The following KLHL12 variants were observed in gnomAD, a reference collection of about 807,000 sequenced individuals.
KLHL12 encodes kelch-like protein 12.
KLHL12 carries 17 observed loss-of-function variants against 60.8 expected under a neutral mutation model. That is an observed-to-expected ratio of 0.28 (90% CI 0.19 to 0.42). The LOEUF (loss-of-function observed/expected upper bound fraction) is 0.42. Among genes scored for constraint, KLHL12 ranks in the 10% least tolerant of loss-of-function variants. The pLI is 1.00. For synonymous variants in KLHL12, 220 were observed against 250.9 expected (o/e 0.88, Z 1.16); for missense variants, 468 against 722.3 (o/e 0.65, Z 4.04).
At chr1:202,926,040 G>A (rs986228338) in intron 1 of KLHL12, among the ~76,000 whole-genome samples, 11 of 150,362 alleles carry the variant, frequency 7.3e-5, no homozygotes, top group South Asian at 4.3e-4. Context: ...AGGAGGTGGA[G>A]GTTGCAGTGA....
intron 2 of KLHL12, among the ~76,000 whole-genome samples, chr1:202,923,254 A>G (rs1660752961): frequency 6.6e-6 from 1 of 152,262 alleles, no homozygotes; most frequent in Non-Finnish European, 1.5e-5. Context: ...CAGGATGCAC[A>G]ACATATAATT....
chr1:202,904,661 A>G (rs1451023273), intron 6 of KLHL12, among the ~76,000 whole-genome samples: 1 of 152,238 alleles, frequency 6.6e-6, no homozygotes, highest in East Asian at 1.9e-4. Flanking sequence ...GTGAAAAAGC[A>G]CATTTCTAAA....
At chr1:202,921,457 G>A (rs1427928886) in intron 2 of KLHL12, among the ~76,000 whole-genome samples, 1 of 152,072 alleles carries the variant, frequency 6.6e-6, no homozygotes, top group African/African-American at 2.4e-5. Flanking sequence ...TTACAGGCGT[G>A]AGCCACCATG....
Position 202,892,608 on chromosome 1 carries a change from G to C in KLHL12, c.1632C>G (p.Ile544Met). 6.2e-7 allele frequency: 1 copy of C among 1,614,046 alleles called. No individual in the cohort carries two copies. The change falls in exon 12 of 12, where the codon ATC (isoleucine) becomes ATG (methionine). Residue 544 changes from isoleucine to methionine, a missense_variant. Physicochemically the swap from Ile to Met is conservative, Grantham distance 10. Transcript: ENST00000367261. ...LSSIECYDPIIDSWEVVTSMG... is the reference protein window; with the variant it reads ...LSSIECYDPIMDSWEVVTSMG... ...TGGATGTCACGACTTCCCAGCTGTC[G>C]ATGATAGGGTCATAACATTCAATGC...
At chr1:202,912,433 AGGTGGTTTC>A in intron 4 of KLHL12, 1 of 827,744 alleles carries the variant, frequency 1.2e-6, no homozygotes, top group South Asian at 1.3e-5. Flanking sequence ...TTGGTCGTGG[AGGTGGTTTC>A]GGTTGGCATG....
chr1:202,893,171 G>A lies in KLHL12; in HGVS notation c.1580+68C>T. The A allele has an allele frequency of 7.8e-7, 1 of 1,278,186 alleles. No homozygotes were observed. The highest frequency in any genetic ancestry group is 1.1e-6 in the Non-Finnish European group (1 of 933,024). 79.2% of individuals were successfully genotyped at this position (1,278,186 alleles called of 1,614,324 possible). A position where few individuals can be genotyped will look rare whatever the true frequency, so the allele number is the denominator to read the frequency against. On this transcript the variant is annotated intron_variant, in intron 11 of 11. Transcript: ENST00000367261. The surrounding 1 kb of genome is among the most constrained non-coding windows in gnomAD (Gnocchi z 4.1). The stretch of plus-strand genomic sequence containing the variant: ...CCAAGTCTTGTCTCTGTCCAAAAAT[G>A]AGGATCAGATCACATAGACTCTTGC...
chr1:202,899,757 A>G (rs1306551633), intron 6 of KLHL12, among the ~76,000 whole-genome samples: 1 of 151,544 alleles, frequency 6.6e-6, no homozygotes, highest in Non-Finnish European at 1.5e-5. Flanking sequence ...ACTGAGGAAG[A>G]GGTTGCAGTG....
chr1:202,927,873 T>C (rs1653683034), upstream of KLHL12, among the ~76,000 whole-genome samples: 1 of 150,826 alleles, frequency 6.6e-6, no homozygotes, highest in Non-Finnish European at 1.5e-5. Flanking sequence ...TCCCAACTAC[T>C]CAGGAGGCTA....
upstream of KLHL12, among the ~76,000 whole-genome samples, chr1:202,928,274 CA>C (rs368999167): frequency 2.1e-4 from 26 of 123,824 alleles, no homozygotes; most frequent in Admixed American, 3.3e-4. Context: ...GACTCCGTCT[CA>C]AAAAAAAAAA....
intron 6 of KLHL12, among the ~76,000 whole-genome samples, chr1:202,907,960 C>T (rs1660245993): frequency 6.6e-6 from 1 of 152,044 alleles, no homozygotes; most frequent in Non-Finnish European, 1.5e-5. Flanking sequence ...CTAAACCCAT[C>T]AGTGAGCAGC....
rs1278452442 is a variant in KLHL12 at position 202,895,385 on chromosome 1, C to A, written c.1135+137G>T. ...CTCCAGCCTGGGCAACAGAGAGAGA[C>A]CCTGTCTCAAATAATAATAACATTT... On this transcript the variant is annotated intron_variant, in intron 8 of 11. Transcript: ENST00000367261. This position sits in a 1 kb window ranked among gnomAD's most constrained non-coding sequence, Gnocchi z 4.2. 2.4e-5 allele frequency: 18 copies of A among 750,114 alleles called. No homozygotes were observed. In the South Asian group the frequency reaches 3.2e-4, roughly 13 times the overall value. 46.5% of individuals were successfully genotyped at this position (750,114 alleles called of 1,614,324 possible). A position where few individuals can be genotyped will look rare whatever the true frequency, so the allele number is the denominator to read the frequency against.
rs1276581450 is a variant in KLHL12 at position 202,893,125 on chromosome 1, A to G, written c.1580+114T>C. On this transcript the variant is annotated intron_variant, in intron 11 of 11. Transcript: ENST00000367261. This position sits in a 1 kb window ranked among gnomAD's most constrained non-coding sequence, Gnocchi z 4.1. ...ATCTAATAAAAAAAATCAAGTTGCC[A>G]CTGGAGATGTCTACCCCTACCCAAG... The G allele has an allele frequency of 2.7e-6, 2 of 753,490 alleles. No individual in the cohort carries two copies. The highest frequency in any genetic ancestry group is 3.6e-5 in the African/African-American group (2 of 55,474). 46.7% of individuals were successfully genotyped at this position (753,490 alleles called of 1,614,324 possible). A position where few individuals can be genotyped will look rare whatever the true frequency, so the allele number is the denominator to read the frequency against.
rs1331631313 is a variant in KLHL12 at position 202,895,915 on chromosome 1, A to G, written c.940-198T>C. 6.6e-6 allele frequency among the ~76,000 whole-genome samples: 1 copy of G among 151,612 alleles called. No individual in the cohort carries two copies. The highest frequency in any genetic ancestry group is 1.9e-4 in the East Asian group (1 of 5,198). The stretch of plus-strand genomic sequence containing the variant: ...CGAAATGCCTGTTGTGGTGCTCTTA[A>G]AGATACAAGCTTTCTGCATCTCTGC... On this transcript the variant is annotated intron_variant, in intron 7 of 11. Transcript: ENST00000367261. The surrounding 1 kb of genome is among the most constrained non-coding windows in gnomAD (Gnocchi z 4.2).
At chr1:202,926,344 A>G (rs911988696) in intron 1 of KLHL12, among the ~76,000 whole-genome samples, 3 of 152,170 alleles carry the variant, frequency 2.0e-5, no homozygotes, top group Admixed American at 2.0e-4. Context: ...CCAAAAGTCC[A>G]CAAGTCACAA....
chr1:202,918,093 G>T, intron 4 of KLHL12, 78 bp downstream of exon 4: 1 of 1,021,396 alleles, frequency 9.8e-7, no homozygotes, highest in Non-Finnish European at 1.5e-6. Context: ...AGCCCTGATG[G>T]TAAGTAACTG....
At chr1:202,911,273 C>A in intron 4 of KLHL12, 70 bp from the exon 5 acceptor site, 4 of 1,530,984 alleles carry the variant, frequency 2.6e-6, no homozygotes, top group Non-Finnish European at 3.6e-6. Flanking sequence ...AACGTAACCA[C>A]GTTCACTTTT....
chr1:202,903,159 CAAAAAAAAAAAA>C lies in KLHL12; in HGVS notation c.832+5839_832+5850del, dbSNP rs67432749. On this transcript the variant is annotated intron_variant, in intron 6 of 11. Coordinates refer to ENST00000367261, the MANE Select transcript of KLHL12 (RefSeq NM_021633.4). ...TAGGAGCCAGAGTGAGACCTTGTCT[CAAAAAAAAAAAA>C]AAAAAAAAAAAAAATTACTTTGAGA... is the stretch of plus-strand genomic sequence containing the variant. Among the ~76,000 whole-genome samples, 173 of 52,024 alleles carry C rather than the reference CAAAAAAAAAAAA, an allele frequency of 3.3e-3. 1 individual carries two copies. Among genetic ancestry groups the C allele is most frequent in the African/African-American group, 0.012 (163 of 13,980 alleles). The allele number at this position is 52,024 out of a possible 152,430, so 34.1% of individuals were successfully genotyped here.
intron 6 of KLHL12, among the ~76,000 whole-genome samples, chr1:202,897,684 A>C (rs922345094): frequency 2.0e-4 from 31 of 152,250 alleles, no homozygotes; most frequent in Non-Finnish European, 4.4e-4. Context: ...ACCTTGTCAC[A>C]AAAAAAGCTA....
chr1:202,904,861 G>A (rs1660134284), intron 6 of KLHL12, among the ~76,000 whole-genome samples: 3 of 152,174 alleles, frequency 2.0e-5, no homozygotes, highest in African/African-American at 7.2e-5. Context: ...AATTAGAAAA[G>A]TAATTTCCAT....
Sources: allele counts gnomAD v4.1 joint callset (sites outside exome capture counted in the v4.1 genomes callset), GRCh38; gene constraint gnomAD v4.1.1; non-coding constraint Gnocchi (gnomAD v3.1); transcripts MANE v1.5; gene names NCBI Gene and HGNC (gene_info 2026-07-23, HGNC 2026-07-21).